The following GPC6 variants were observed in gnomAD, a reference collection of about 807,000 sequenced individuals.
The protein encoded by GPC6 is glypican 6.
Under a neutral mutation model 55.2 loss-of-function variants are expected in GPC6, and 14 were observed. The observed-to-expected ratio is 0.25, with a 90% CI of 0.17 to 0.40. GPC6 has a LOEUF of 0.40. Ranked by LOEUF, GPC6 falls within the 10% of genes least tolerant of loss-of-function variation. GPC6 has a pLI of 1.00. For synonymous variants in GPC6, 278 were observed against 259.6 expected (o/e 1.07, Z -0.68); for missense variants, 641 against 708.5 (o/e 0.90, Z 1.08).
At chr13:93,853,505 C>G (rs543541390) in intron 3 of GPC6, among the ~76,000 whole-genome samples, 2 of 151,158 alleles carry the variant, frequency 1.3e-5, no homozygotes, top group African/African-American at 4.9e-5. Context: ...TCTAATAGAC[C>G]GTTCTATATA....
At chr13:93,885,698 A>C (rs1875281191) in intron 3 of GPC6, among the ~76,000 whole-genome samples, 1 of 152,188 alleles carries the variant, frequency 6.6e-6, no homozygotes, top group Non-Finnish European at 1.5e-5. Context: ...AGGTGTCAGA[A>C]AGAACTGGTT....
chr13:93,448,338 C>A (rs562614659), intron 1 of GPC6, among the ~76,000 whole-genome samples: 19 of 152,270 alleles, frequency 1.2e-4, no homozygotes, highest in African/African-American at 4.3e-4. Flanking sequence ...AAAGACTATA[C>A]CATATAGCCT....
chr13:93,260,199 A>C (rs1877094270), intron 1 of GPC6, among the ~76,000 whole-genome samples: 1 of 152,158 alleles, frequency 6.6e-6, no homozygotes, highest in South Asian at 2.1e-4. Context: ...ATTTTAGTAA[A>C]TATTAACTTG....
intron 6 of GPC6, among the ~76,000 whole-genome samples, chr13:94,358,960 T>C (rs1878931265): frequency 6.6e-6 from 1 of 152,222 alleles, no homozygotes; most frequent in Admixed American, 6.5e-5. Flanking sequence ...AGTCACCTTT[T>C]TGGACCAAAA....
intron 3 of GPC6, among the ~76,000 whole-genome samples, chr13:94,017,890 C>G (rs1882531834): frequency 6.6e-6 from 1 of 151,934 alleles, no homozygotes; most frequent in Non-Finnish European, 1.5e-5. Context: ...CTTGGCTAGG[C>G]TGGTCTTGAA....
intron 1 of GPC6, among the ~76,000 whole-genome samples, chr13:93,408,861 ATTTGCCAT>A (rs1448622547): frequency 6.6e-6 from 1 of 152,116 alleles, no homozygotes; most frequent in Non-Finnish European, 1.5e-5. Flanking sequence ...CACATACAGT[ATTTGCCAT>A]TCCTGAATGA....
chr13:94,190,977 C>A (rs1758993064), intron 4 of GPC6, among the ~76,000 whole-genome samples: 1 of 151,954 alleles, frequency 6.6e-6, no homozygotes. Flanking sequence ...AGAGTGACAG[C>A]AAGCAGCAGA....
At chr13:93,326,144 G>C (rs1879645288) in intron 1 of GPC6, among the ~76,000 whole-genome samples, 1 of 152,120 alleles carries the variant, frequency 6.6e-6, no homozygotes, top group Non-Finnish European at 1.5e-5. Context: ...TATAGTTGAG[G>C]GGTGGCTTTG....
chr13:94,282,895 C>T (rs772272453), intron 4 of GPC6, among the ~76,000 whole-genome samples: 2 of 152,202 alleles, frequency 1.3e-5, no homozygotes, highest in Admixed American at 1.3e-4. Context: ...ATTCAGAGGA[C>T]AGGACATAAA....
intron 2 of GPC6, among the ~76,000 whole-genome samples, chr13:93,556,061 T>G (rs999550421): frequency 6.6e-6 from 1 of 152,204 alleles, no homozygotes; most frequent in African/African-American, 2.4e-5. Flanking sequence ...TAATGACTTT[T>G]ATATGTTAAC....
intron 1 of GPC6, among the ~76,000 whole-genome samples, chr13:93,359,780 G>A (rs1283385222): frequency 6.6e-6 from 1 of 152,166 alleles, no homozygotes; most frequent in Non-Finnish European, 1.5e-5. Flanking sequence ...AGGTAAGTCT[G>A]CAAACATAGA....
At chr13:94,351,339 A>G (rs186136344) in intron 6 of GPC6, among the ~76,000 whole-genome samples, 3 of 152,252 alleles carry the variant, frequency 2.0e-5, no homozygotes, top group Admixed American at 2.0e-4. Flanking sequence ...TTCTGAAAGC[A>G]AAGTATGCCT....
At chr13:93,705,921 T>C (rs1243275105) in intron 2 of GPC6, among the ~76,000 whole-genome samples, 1 of 151,496 alleles carries the variant, frequency 6.6e-6, no homozygotes, top group Non-Finnish European at 1.5e-5. Context: ...AAATATTATA[T>C]AAACCAATGA....
At chr13:93,954,428 A>T (rs1879403507) in intron 3 of GPC6, among the ~76,000 whole-genome samples, 1 of 151,950 alleles carries the variant, frequency 6.6e-6, no homozygotes, top group South Asian at 2.1e-4. Flanking sequence ...GATCCTCCTG[A>T]CTCAGCCTCT....
chr13:94,141,812 G>C lies in GPC6; in HGVS notation c.877+113918G>C, dbSNP rs200358134. 1.8e-4 allele frequency among the ~76,000 whole-genome samples: 28 copies of C among 152,216 alleles called. No homozygotes were observed. In the East Asian group the frequency reaches 4.4e-3, roughly 24 times the overall value. On this transcript the variant is annotated intron_variant, in intron 4 of 8. Transcript: ENST00000377047. The stretch of plus-strand genomic sequence containing the variant: ...GAGAATATGCACTGAATAACCAAAG[G>C]AATAGATGTTCAATGCACTCACTGA...
chr13:93,378,871 T>G (rs1215713087), intron 1 of GPC6, among the ~76,000 whole-genome samples: 1 of 151,576 alleles, frequency 6.6e-6, no homozygotes, highest in African/African-American at 2.4e-5. Context: ...GGTGGGTGCC[T>G]GTAATCCCAG....
chr13:93,298,694 C>A (rs9516209), intron 1 of GPC6, among the ~76,000 whole-genome samples: 1 of 151,696 alleles, frequency 6.6e-6, no homozygotes, highest in African/African-American at 2.4e-5. Flanking sequence ...GCAATTGGCC[C>A]GCCTCAGCCT....
At chr13:93,622,737 G>A (rs1051417407) in intron 2 of GPC6, among the ~76,000 whole-genome samples, 1 of 152,058 alleles carries the variant, frequency 6.6e-6, no homozygotes, top group Non-Finnish European at 1.5e-5. Flanking sequence ...TTACCTCAAA[G>A]ATATCATTTA....
intron 3 of GPC6, among the ~76,000 whole-genome samples, chr13:93,855,507 T>C (rs994968217): frequency 7.9e-5 from 12 of 151,684 alleles, no homozygotes; most frequent in African/African-American, 2.9e-4. Flanking sequence ...TGGAGGTTTT[T>C]GTGTGGATAT....
Sources: allele counts gnomAD v4.1 joint callset (sites outside exome capture counted in the v4.1 genomes callset), GRCh38; gene constraint gnomAD v4.1.1; transcripts MANE v1.5; gene names NCBI Gene and HGNC (gene_info 2026-07-23, HGNC 2026-07-21).